RNGTT: variants seen among roughly 807,000 people sequenced by gnomAD.
RNGTT encodes RNA guanylyltransferase and 5'-phosphatase.
A neutral mutation model predicts 79.3 loss-of-function variants in RNGTT; 33 were observed. The ratio of observed to expected loss-of-function variants is 0.42; its 90% CI spans 0.32 to 0.56. The LOEUF is 0.56. Among genes scored for constraint, RNGTT ranks in the 20% least tolerant of loss-of-function variants. The pLI, the probability that RNGTT is intolerant of heterozygous loss-of-function variation, is 0.17. For synonymous variants in RNGTT, 222 were observed against 235.9 expected, an observed-to-expected ratio of 0.94 and a Z score of 0.54; for missense variants, 497 against 739.1, an observed-to-expected ratio of 0.67 and a Z score of 3.80.
intron 2 of RNGTT, among the ~76,000 whole-genome samples, chr6:88,938,337 T>C (rs373520130): frequency 1.3e-5 from 2 of 152,200 alleles, no homozygotes; most frequent in South Asian, 4.1e-4. Context: ...TTATCTGATA[T>C]AAGTTTAGCT....
Position 88,793,946 on chromosome 6 carries a change from TAA to T in RNGTT, c.1338+7616_1338+7617del, listed in dbSNP as rs545409694. On this transcript the variant is annotated intron_variant, in intron 12 of 15. Coordinates refer to ENST00000369485, the MANE Select transcript of RNGTT (RefSeq NM_003800.5). ...ATAAATTATTTTTAGGAAACTAAAA[TAA>T]AAGAGTTTCTTCTTTTATTAAAAAT... Among the ~76,000 whole-genome samples, 285 of 152,354 alleles carry T rather than the reference TAA, an allele frequency of 1.9e-3. 4 individuals carry two copies. The highest frequency in any genetic ancestry group is 6.7e-3 in the African/African-American group (279 of 41,594).
chr6:88,870,652 T>A (rs1414600191), intron 8 of RNGTT, among the ~76,000 whole-genome samples: 1 of 152,144 alleles, frequency 6.6e-6, no homozygotes, highest in African/African-American at 2.4e-5. Context: ...TACATTGTTT[T>A]TACCAAAAAA....
At chr6:88,822,951 C>A (rs1229191866) in intron 11 of RNGTT, among the ~76,000 whole-genome samples, 1 of 152,142 alleles carries the variant, frequency 6.6e-6, no homozygotes, top group African/African-American at 2.4e-5. Context: ...ACAGATAATA[C>A]ACCCAAACAT....
intron 11 of RNGTT, among the ~76,000 whole-genome samples, chr6:88,808,634 C>G (rs1780036245): frequency 6.6e-6 from 1 of 152,064 alleles, no homozygotes; most frequent in Admixed American, 6.5e-5. Flanking sequence ...AAATCAAGAA[C>G]CAGCTGGATG....
chr6:88,639,395 C>T (rs2127772498), intron 14 of RNGTT, among the ~76,000 whole-genome samples: 1 of 152,156 alleles, frequency 6.6e-6, no homozygotes, highest in African/African-American at 2.4e-5. Flanking sequence ...TTCCTCACTT[C>T]AACATGAAAA....
chr6:88,941,531 G>C (rs950644651), intron 1 of RNGTT, among the ~76,000 whole-genome samples: 16 of 152,236 alleles, frequency 1.1e-4, no homozygotes, highest in Admixed American at 9.8e-4. Context: ...GCCTTCCAAA[G>C]TGCTGGAATT....
rs923889582 is a variant in RNGTT, at chr6:88,718,625, ATACTT to A, written c.1440-40211_1440-40207del. On this transcript the variant is annotated intron_variant, in intron 13 of 15. Coordinates refer to ENST00000369485, the MANE Select transcript of RNGTT (RefSeq NM_003800.5). The stretch of plus-strand genomic sequence containing the variant: ...AAAAAATGGGTATAACAAAAGAAAA[ATACTT>A]TAAAGAGGTTTGGAGCCCCTTCTAT... Among the ~76,000 whole-genome samples the A allele has an allele frequency of 4.6e-5, 7 of 152,188 alleles. No homozygotes were observed. The South Asian group carries it at 1.2e-3, about 27-fold the overall frequency.
rs569181247 is a variant in RNGTT at position 88,656,755 on chromosome 6, G to A, written c.1506+21598C>T. On this transcript the variant is annotated intron_variant, in intron 14 of 15. Transcript: ENST00000369485. ...TTCTTTGAAAAAGAACCTTCCCCATGACTTACTGAAGATGTTAAGAGATTA... is the reference window on the plus strand; with the variant it reads ...TTCTTTGAAAAAGAACCTTCCCCATAACTTACTGAAGATGTTAAGAGATTA... Among the ~76,000 whole-genome samples the A allele has an allele frequency of 1.7e-3, 254 of 150,240 alleles. 1 individual carries two copies. Among genetic ancestry groups the A allele is most frequent in the African/African-American group, 5.8e-3 (236 of 40,832 alleles).
intron 2 of RNGTT, among the ~76,000 whole-genome samples, chr6:88,931,050 T>A (rs1367503585): frequency 6.6e-6 from 1 of 152,094 alleles, no homozygotes; most frequent in African/African-American, 2.4e-5. Context: ...AATCCTAATA[T>A]GAAAATCCAA....
At chr6:88,760,023 T>C (rs1202665467) in intron 13 of RNGTT, among the ~76,000 whole-genome samples, 1 of 152,174 alleles carries the variant, frequency 6.6e-6, no homozygotes, top group Non-Finnish European at 1.5e-5. Context: ...AAGCGAAAGG[T>C]ACTAATGTAA....
At chr6:88,814,556 CT>C (rs1344480195) in intron 11 of RNGTT, among the ~76,000 whole-genome samples, 1 of 152,044 alleles carries the variant, frequency 6.6e-6, no homozygotes, top group Non-Finnish European at 1.5e-5. Flanking sequence ...ATCATTAAAC[CT>C]TTGTTCATGC....
At chr6:88,815,691 C>T (rs1345762931) in intron 11 of RNGTT, among the ~76,000 whole-genome samples, 3 of 152,180 alleles carry the variant, frequency 2.0e-5, no homozygotes, top group South Asian at 4.1e-4. Context: ...GAAGCTGTTC[C>T]GGAAGTGACA....
At chr6:88,850,194 A>T (rs1374415084) in intron 9 of RNGTT, among the ~76,000 whole-genome samples, 2 of 151,984 alleles carry the variant, frequency 1.3e-5, no homozygotes, top group Non-Finnish European at 2.9e-5. Context: ...TTAATCATTA[A>T]TGCTTTAAAT....
At chr6:88,800,392 TACTC>T (rs1399425551) in intron 12 of RNGTT, among the ~76,000 whole-genome samples, 1 of 152,218 alleles carries the variant, frequency 6.6e-6, no homozygotes, top group Non-Finnish European at 1.5e-5. Context: ...GAATTAGAGA[TACTC>T]AACCTGTACA....
chr6:88,626,375 G>A (rs1403292828), intron 14 of RNGTT, among the ~76,000 whole-genome samples: 1 of 151,982 alleles, frequency 6.6e-6, no homozygotes, highest in Non-Finnish European at 1.5e-5. Context: ...AAATATTAAA[G>A]GAGGAAAAGG....
intron 14 of RNGTT, among the ~76,000 whole-genome samples, chr6:88,629,136 A>T (rs1265017448): frequency 9.9e-5 from 15 of 152,190 alleles, no homozygotes. Context: ...TGGGTAGGGA[A>T]AAGGTGTGGA....
intron 4 of RNGTT, 47 bp from the exon 5 acceptor site, chr6:88,906,487 G>A (rs1783658530): frequency 8.9e-7 from 1 of 1,120,244 alleles, no homozygotes; most frequent in East Asian, 2.5e-5. Flanking sequence ...TCACTGCAGA[G>A]GCCACATTTA....
At chr6:88,716,433 G>A (rs1776516790) in intron 13 of RNGTT, among the ~76,000 whole-genome samples, 2 of 152,170 alleles carry the variant, frequency 1.3e-5, no homozygotes, top group East Asian at 1.9e-4. Flanking sequence ...TCTAGAACTA[G>A]AAATACCATT....
chr6:88,821,515 G>A (rs1456408422), intron 11 of RNGTT, among the ~76,000 whole-genome samples: 1 of 151,860 alleles, frequency 6.6e-6, no homozygotes, highest in Non-Finnish European at 1.5e-5. Context: ...AAAATATATA[G>A]AAGCACATGT....
Sources: allele counts gnomAD v4.1 joint callset (sites outside exome capture counted in the v4.1 genomes callset), GRCh38; gene constraint gnomAD v4.1.1; transcripts MANE v1.5; gene names NCBI Gene and HGNC (gene_info 2026-07-23, HGNC 2026-07-21).